Variants in EFCAB11 observed in about 807,000 individuals in gnomAD.
The protein encoded by EFCAB11 is EF-hand calcium binding domain 11, also known as EF-hand calcium-binding domain-containing protein 11.
Under a neutral mutation model 23.0 loss-of-function variants are expected in EFCAB11, and 14 were observed. The observed-to-expected ratio is 0.61, with a 90% CI of 0.40 to 0.95. EFCAB11 has a LOEUF of 0.95. EFCAB11 is among the 40% of genes least tolerant of loss of function. The probability of loss-of-function intolerance (pLI) is 0.00; values close to 1 mark genes in which losing one functional copy is unlikely to be tolerated. For missense variants in EFCAB11, 198 were observed against 195.8 expected, an observed-to-expected ratio of 1.01 and a Z score of -0.07; for synonymous variants, 65 against 66.6, an observed-to-expected ratio of 0.98 and a Z score of 0.11.
chr14:89,901,618 G>A (rs996663603), intron 5 of EFCAB11, among the ~76,000 whole-genome samples: 14 of 152,070 alleles, frequency 9.2e-5, no homozygotes, highest in Admixed American at 2.0e-4. Context: ...TTGTACACTG[G>A]GAATGCCAGA....
At chr14:89,894,114 C>T (rs1889082171) in intron 5 of EFCAB11, among the ~76,000 whole-genome samples, 1 of 152,050 alleles carries the variant, frequency 6.6e-6, no homozygotes, top group Non-Finnish European at 1.5e-5. Flanking sequence ...ACGCCCCCGG[C>T]TTATTTTTCG....
At chr14:89,873,003 G>C (rs1216049956) in intron 5 of EFCAB11, among the ~76,000 whole-genome samples, 1 of 152,148 alleles carries the variant, frequency 6.6e-6, no homozygotes, top group Non-Finnish European at 1.5e-5. Flanking sequence ...AATAAATTTT[G>C]CTGTTGTTTA....
At chr14:89,907,878 C>T (rs1889546573) in intron 5 of EFCAB11, among the ~76,000 whole-genome samples, 1 of 152,166 alleles carries the variant, frequency 6.6e-6, no homozygotes, top group Admixed American at 6.5e-5. Context: ...GTTGCCTCGT[C>T]AGTAAAATGG....
chr14:89,902,641 G>A (rs902519040), intron 5 of EFCAB11, among the ~76,000 whole-genome samples: 7 of 152,102 alleles, frequency 4.6e-5, no homozygotes, highest in East Asian at 1.9e-4. Context: ...GAGGGCAGAG[G>A]AAAATAGAAT....
intron 3 of EFCAB11, among the ~76,000 whole-genome samples, chr14:89,938,864 G>A (rs564250380): frequency 2.6e-5 from 4 of 151,692 alleles, no homozygotes; most frequent in Admixed American, 2.6e-4. Context: ...GCTTGAACCC[G>A]GGAGGCAGAG....
chr14:89,850,639 C>T (rs1453920224), intron 5 of EFCAB11, among the ~76,000 whole-genome samples: 1 of 152,144 alleles, frequency 6.6e-6, no homozygotes, highest in Non-Finnish European at 1.5e-5. Flanking sequence ...TAAGCCCTTG[C>T]TTTTGTATGT....
intron 5 of EFCAB11, among the ~76,000 whole-genome samples, chr14:89,911,724 G>A (rs956280928): frequency 3.3e-5 from 5 of 152,186 alleles, no homozygotes; most frequent in East Asian, 1.9e-4. Flanking sequence ...AGAGTCCTGC[G>A]GCTTTGGGGC....
intron 3 of EFCAB11, among the ~76,000 whole-genome samples, chr14:89,938,973 A>AAGC (rs1316218228): frequency 4.6e-5 from 5 of 109,302 alleles, no homozygotes; most frequent in African/African-American, 3.3e-4. Context: ...CAACAAAGCA[A>AAGC]AAAAAAAAAA....
chr14:89,935,962 C>G (rs1039686171), intron 3 of EFCAB11, among the ~76,000 whole-genome samples: 15 of 151,860 alleles, frequency 9.9e-5, no homozygotes, highest in African/African-American at 3.6e-4. Flanking sequence ...GAGCCGAGAT[C>G]GTGCCACTGC....
chr14:89,863,835 C>T (rs928440637), intron 5 of EFCAB11, among the ~76,000 whole-genome samples: 1 of 152,190 alleles, frequency 6.6e-6, no homozygotes, highest in African/African-American at 2.4e-5. Flanking sequence ...GAATTCAATA[C>T]AGCCTGTACT....
chr14:89,924,778 T>G, intron 5 of EFCAB11: 1 of 1,312,222 alleles, frequency 7.6e-7, no homozygotes, highest in Non-Finnish European at 1.0e-6. Flanking sequence ...ATGAAGCTCC[T>G]GACTGCATTT....
intron 5 of EFCAB11, among the ~76,000 whole-genome samples, chr14:89,861,895 T>C (rs34989136): frequency 0.4 from 60,655 of 152,172 alleles, 15,189 homozygotes; most frequent in Non-Finnish European, 0.57. Flanking sequence ...TTTCTTTTCT[T>C]TATACATTGC....
chr14:89,947,448 A>C (rs990330353), intron 3 of EFCAB11, among the ~76,000 whole-genome samples: 1 of 152,216 alleles, frequency 6.6e-6, no homozygotes, highest in Non-Finnish European at 1.5e-5. Context: ...TCTGGACTTA[A>C]CAAAAGACTC....
chr14:89,903,126 T>C (rs1214308501), intron 5 of EFCAB11, among the ~76,000 whole-genome samples: 2 of 152,212 alleles, frequency 1.3e-5, no homozygotes, highest in Non-Finnish European at 2.9e-5. Flanking sequence ...CTAGTAGAAT[T>C]TGAATAACTG....
chr14:89,849,606 G>GTC (rs1887538564), intron 5 of EFCAB11, among the ~76,000 whole-genome samples: 1 of 123,338 alleles, frequency 8.1e-6, no homozygotes, highest in Non-Finnish European at 1.6e-5. Context: ...AAGGAAATCT[G>GTC]TTTTTTTTTT....
intron 3 of EFCAB11, among the ~76,000 whole-genome samples, chr14:89,942,581 G>A (rs902716469): frequency 5.0e-4 from 76 of 152,250 alleles, no homozygotes; most frequent in African/African-American, 1.8e-3. Context: ...TCTGAAAGAG[G>A]TAGCAAGACT....
intron 5 of EFCAB11, among the ~76,000 whole-genome samples, chr14:89,873,284 T>C (rs1203229371): frequency 6.6e-6 from 1 of 151,932 alleles, no homozygotes; most frequent in Non-Finnish European, 1.5e-5. Context: ...ACAAGAACAA[T>C]ATGGGAAAAA....
At chr14:89,864,362 C>G (rs940460166) in intron 5 of EFCAB11, among the ~76,000 whole-genome samples, 2 of 152,138 alleles carry the variant, frequency 1.3e-5, no homozygotes, top group African/African-American at 4.8e-5. Flanking sequence ...AATTCCTCTC[C>G]CATCTGTTTG....
At chr14:89,817,426 T>C (rs775158907) in intron 5 of EFCAB11, among the ~76,000 whole-genome samples, 21 of 152,214 alleles carry the variant, frequency 1.4e-4, no homozygotes, top group South Asian at 2.1e-4. Flanking sequence ...AAGGCTGAGA[T>C]AGGAGGATCA....
Sources: gnomAD v4.1 joint callset for allele counts (sites outside exome capture counted in the v4.1 genomes callset) on GRCh38, gnomAD v4.1.1 for gene constraint, MANE v1.5 for transcripts, NCBI Gene and HGNC (gene_info 2026-07-23, HGNC 2026-07-21) for gene names.